The following ATP10A variants were observed in gnomAD, a reference collection of about 807,000 sequenced individuals.
ATP10A encodes phospholipid-transporting ATPase VA.
Under a neutral mutation model 147.8 loss-of-function variants are expected in ATP10A, and 111 were observed. That is an observed-to-expected ratio of 0.75 (90% CI 0.64 to 0.88). ATP10A has a LOEUF of 0.88. Ranked by LOEUF, ATP10A falls within the 40% of genes least tolerant of loss-of-function variation. The pLI, the probability that ATP10A is intolerant of heterozygous loss-of-function variation, is 0.00. For synonymous variants in ATP10A, 875 were observed against 841.6 expected (o/e 1.04, Z -0.69); for missense variants, 1,927 against 1,959.0 (o/e 0.98, Z 0.31).
At chr15:25,689,713 C>T (rs948122114) in intron 15 of ATP10A, among the ~76,000 whole-genome samples, 10 of 152,204 alleles carry the variant, frequency 6.6e-5, no homozygotes, top group African/African-American at 2.4e-4. Context: ...CAACCTCCTC[C>T]CCAGCAGCTA....
At chr15:25,761,665 A>G (rs995452217) in intron 2 of ATP10A, among the ~76,000 whole-genome samples, 13 of 152,216 alleles carry the variant, frequency 8.5e-5, no homozygotes, top group South Asian at 8.3e-4. Flanking sequence ...TGACTGCCCT[A>G]TGGATTTTGG....
intron 2 of ATP10A, among the ~76,000 whole-genome samples, chr15:25,758,674 C>G: frequency 8.7e-6 from 1 of 114,356 alleles, no homozygotes. Context: ...TCCACCCTAA[C>G]TCATTCCGAC....
At chr15:25,683,188 G>T in intron 17 of ATP10A, 98 bp downstream of exon 17, 1 of 1,127,180 alleles carries the variant, frequency 8.9e-7, no homozygotes, top group Non-Finnish European at 1.3e-6. Context: ...TGTCCAGGGT[G>T]TCCATCTGAA....
chr15:25,740,629 C>T (rs1887536667), intron 2 of ATP10A, among the ~76,000 whole-genome samples: 2 of 152,236 alleles, frequency 1.3e-5, no homozygotes, highest in South Asian at 2.1e-4. Context: ...TGAGGTCCCC[C>T]TGGTTCACTT....
chr15:25,740,534 C>T (rs975341255), intron 2 of ATP10A, among the ~76,000 whole-genome samples: 2 of 152,236 alleles, frequency 1.3e-5, no homozygotes, highest in Non-Finnish European at 2.9e-5. Flanking sequence ...GGAAAACACA[C>T]ACACTCCCGT....
At chr15:25,707,937 C>T (rs747649961) in intron 12 of ATP10A, 39 bp downstream of exon 12, 8 of 1,604,934 alleles carry the variant, frequency 5.0e-6, no homozygotes, top group Admixed American at 1.7e-5. Context: ...CCTGCAAACT[C>T]CACACTGCCC....
At chr15:25,805,500 G>A (rs1377741969) in intron 1 of ATP10A, among the ~76,000 whole-genome samples, 1 of 152,118 alleles carries the variant, frequency 6.6e-6, no homozygotes, top group African/African-American at 2.4e-5. Context: ...GAAATGAATT[G>A]GCTACTTATA....
intron 17 of ATP10A, among the ~76,000 whole-genome samples, chr15:25,682,875 T>C (rs1395518462): frequency 6.6e-6 from 1 of 152,254 alleles, no homozygotes; most frequent in East Asian, 1.9e-4. Context: ...ATCTATGTGG[T>C]ATATTAATGC....
chr15:25,759,773 T>C (rs1888651677), intron 2 of ATP10A, among the ~76,000 whole-genome samples: 2 of 149,720 alleles, frequency 1.3e-5, no homozygotes, highest in Non-Finnish European at 3.0e-5. Context: ...CACACTACTG[T>C]ACTCCAGCCT....
At chr15:25,860,424 T>C (rs1482190529) in intron 1 of ATP10A, among the ~76,000 whole-genome samples, 1 of 152,206 alleles carries the variant, frequency 6.6e-6, no homozygotes, top group Non-Finnish European at 1.5e-5. Context: ...CAGTAAACTC[T>C]GGGTGAAACC....
At chr15:25,820,468 C>G (rs1325238313) in intron 1 of ATP10A, among the ~76,000 whole-genome samples, 1 of 152,094 alleles carries the variant, frequency 6.6e-6, no homozygotes, top group Non-Finnish European at 1.5e-5. Flanking sequence ...GAAGAGCAAT[C>G]CCAACTAAAA....
chr15:25,767,028 A>G lies in ATP10A; in HGVS notation c.654+13991T>C, dbSNP rs1889062202. ...TTTCTTGGCATCAGCAATTTCTTTG[A>G]AGAGGGCTGCTCCGCTACGTAGCAC... On this transcript the variant is annotated intron_variant, in intron 2 of 20. Coordinates refer to ENST00000555815, the MANE Select transcript of ATP10A (RefSeq NM_024490.4). Among the ~76,000 whole-genome samples, 3 of 152,108 alleles carry G rather than the reference A, an allele frequency of 2.0e-5. No homozygotes were observed. In the South Asian group the frequency reaches 6.2e-4, roughly 31 times the overall value.
At chr15:25,707,829 C>A in intron 12 of ATP10A, 147 bp downstream of exon 12, 1 of 1,164,154 alleles carries the variant, frequency 8.6e-7, no homozygotes, top group Admixed American at 2.6e-5. Context: ...AAGCACCCTC[C>A]CGCCTCGGCT....
chr15:25,821,053 T>G (rs1278395573), intron 1 of ATP10A, among the ~76,000 whole-genome samples: 5 of 152,228 alleles, frequency 3.3e-5, no homozygotes, highest in Non-Finnish European at 7.3e-5. Context: ...ATAAACTTTT[T>G]AATTTAAAAA....
intron 1 of ATP10A, among the ~76,000 whole-genome samples, chr15:25,833,988 C>CAA (rs113406342): frequency 7.0e-6 from 1 of 143,284 alleles, no homozygotes; most frequent in African/African-American, 2.6e-5. Flanking sequence ...AACGAACAAA[C>CAA]AAAAAAAAAA....
At chr15:25,779,693 CCTAA>C (rs1043108979) in intron 2 of ATP10A, among the ~76,000 whole-genome samples, 3 of 152,202 alleles carry the variant, frequency 2.0e-5, no homozygotes, top group African/African-American at 7.2e-5. Flanking sequence ...TCGAGGGGCC[CCTAA>C]CTCTTTCACC....
chr15:25,702,446 A>T (rs1900725499), intron 12 of ATP10A, among the ~76,000 whole-genome samples: 1 of 152,242 alleles, frequency 6.6e-6, no homozygotes, highest in Non-Finnish European at 1.5e-5. Context: ...CTGAAGGCAA[A>T]GCGTATGGGA....
chr15:25,823,273 G>A lies in ATP10A; in HGVS notation c.449+39375C>T, dbSNP rs573327540. Reference sequence around the variant, plus strand: ...TTGATTACACATTAGCAACAGTATCGATGATAGTAATAGTACAGACAATTG... The same window carrying A: ...TTGATTACACATTAGCAACAGTATCAATGATAGTAATAGTACAGACAATTG... On this transcript the variant is annotated intron_variant, in intron 1 of 20. Transcript: ENST00000555815. Among the ~76,000 whole-genome samples, 176 of 152,198 alleles carry A rather than the reference G, an allele frequency of 1.2e-3. 2 individuals are homozygous for A. The highest frequency in any genetic ancestry group is 4.2e-3 in the African/African-American group (174 of 41,522).
intron 9 of ATP10A, among the ~76,000 whole-genome samples, chr15:25,715,200 G>T (rs1335630987): frequency 6.6e-6 from 1 of 152,204 alleles, no homozygotes; most frequent in Non-Finnish European, 1.5e-5. Context: ...AAAGCAAGGT[G>T]CATAGAGCCA....
Sources: allele counts gnomAD v4.1 joint callset (sites outside exome capture counted in the v4.1 genomes callset), GRCh38; gene constraint gnomAD v4.1.1; transcripts MANE v1.5; gene names NCBI Gene and HGNC (gene_info 2026-07-23, HGNC 2026-07-21).